SPON2: variants seen among roughly 807,000 people sequenced by gnomAD.
SPON2 encodes the protein spondin-2.
In SPON2, 32 loss-of-function variants were observed where a neutral mutation model predicts 29.9. The ratio of observed to expected loss-of-function variants is 1.07; its 90% CI spans 0.81 to 1.44. The LOEUF (loss-of-function observed/expected upper bound fraction) is 1.44. Ranked by LOEUF, SPON2 falls within the 40% of genes most tolerant of loss-of-function variation. The probability of loss-of-function intolerance (pLI) is 0.00; values close to 1 mark genes in which losing one functional copy is unlikely to be tolerated. For synonymous variants in SPON2, 248 were observed against 209.1 expected, an observed-to-expected ratio of 1.19 and a Z score of -1.61; for missense variants, 541 against 455.5, an observed-to-expected ratio of 1.19 and a Z score of -1.71.
intron 1 of SPON2, among the ~76,000 whole-genome samples, chr4:1,204,744 C>T (rs1356481714): frequency 2.6e-5 from 4 of 152,352 alleles, no homozygotes; most frequent in Admixed American, 6.5e-5. Context: ...GACGGCACCT[C>T]GTGACGCCCA....
rs1560210502 is a variant in SPON2 at position 1,194,899 on chromosome 4, A to AACCCCGCAGCCGGCGG, written c.-239+90_-239+91insCCGCCGGCTGCGGGGT. The AACCCCGCAGCCGGCGG allele has an allele frequency of 1.6e-3, 141 of 89,168 alleles. 3 individuals carry two copies. In the Middle Eastern group the frequency reaches 0.032, roughly 20 times the overall value. The allele number at this position is 89,168 out of a possible 1,614,324, so 5.5% of individuals were successfully genotyped here. On this transcript the variant is annotated intron_variant, in intron 1 of 3. Coordinates refer to the SPON2 transcript ENST00000502483. ...GGCGGCTCCAACGCCACAGCCGGCG[A>AACCCCGCAGCCGGCGG]CTCCAACCCCGCAGCCGGCGGCTCC... is the stretch of plus-strand genomic sequence containing the variant.
intron 1 of SPON2, among the ~76,000 whole-genome samples, chr4:1,204,339 G>T (rs1025737704): frequency 6.6e-6 from 1 of 152,170 alleles, no homozygotes; most frequent in African/African-American, 2.4e-5. Context: ...GTGACCCCAT[G>T]ACCTCAGCCT....
At chr4:1,185,966 C>G (rs992948147) in intron 1 of SPON2, among the ~76,000 whole-genome samples, 1 of 151,780 alleles carries the variant, frequency 6.6e-6, no homozygotes, top group African/African-American at 2.4e-5. Flanking sequence ...AACATCTGGC[C>G]GGGCGTGGTG....
intron 2 of SPON2, among the ~76,000 whole-genome samples, chr4:1,179,031 G>A (rs1243657272): frequency 6.6e-6 from 1 of 152,196 alleles, no homozygotes; most frequent in Non-Finnish European, 1.5e-5. Context: ...CAGAGTCTTG[G>A]ATTCAGCTTT....
chr4:1,181,914 T>C (rs576597726), intron 1 of SPON2, among the ~76,000 whole-genome samples: 1 of 152,262 alleles, frequency 6.6e-6, no homozygotes, highest in East Asian at 1.9e-4. Context: ...ATTTTTCTCC[T>C]TTTCCCTTTT....
chr4:1,175,710 A>G (rs1438116832), upstream of SPON2, among the ~76,000 whole-genome samples: 2 of 130,376 alleles, frequency 1.5e-5, no homozygotes, highest in Non-Finnish European at 3.2e-5. Context: ...AGGCCTGGGG[A>G]TCTCCAGCTA....
At chr4:1,205,949 G>C (rs1467683453) in intron 1 of SPON2, among the ~76,000 whole-genome samples, 2 of 152,192 alleles carry the variant, frequency 1.3e-5, no homozygotes, top group Non-Finnish European at 2.9e-5. Context: ...CCCACCCCTA[G>C]CTCCCCTGGC....
upstream of SPON2, among the ~76,000 whole-genome samples, chr4:1,176,296 G>A (rs952252056): frequency 2.0e-5 from 3 of 152,134 alleles, no homozygotes; most frequent in African/African-American, 7.2e-5. Flanking sequence ...TCACACACCA[G>A]CACTTTGCAA....
chr4:1,208,605 T>G (rs576340355), upstream of SPON2: 2 of 152,450 alleles, frequency 1.3e-5, no homozygotes, highest in African/African-American at 4.8e-5. Flanking sequence ...CGCTTCCTCC[T>G]GCTCCAGGGG....
chr4:1,204,435 T>C (rs143736931), intron 1 of SPON2, among the ~76,000 whole-genome samples: 2 of 152,332 alleles, frequency 1.3e-5, no homozygotes, highest in African/African-American at 4.8e-5. Context: ...ACTGCTGATC[T>C]GAACACAGCC....
chr4:1,168,560 G>A (rs1478116863), intron 5 of SPON2, among the ~76,000 whole-genome samples: 2 of 152,236 alleles, frequency 1.3e-5, no homozygotes, highest in Admixed American at 6.5e-5. Flanking sequence ...GACCTTGGGC[G>A]CTGAGGCTTC....
At chr4:1,197,496 C>G (rs1029117868), upstream of SPON2, among the ~76,000 whole-genome samples, 1 of 152,174 alleles carries the variant, frequency 6.6e-6, no homozygotes, top group Non-Finnish European at 1.5e-5. Context: ...CCATAAATAT[C>G]GAGGACTCAG....
At chr4:1,172,685 C>T (rs988412991), upstream of SPON2, 5 of 152,624 alleles carry the variant, frequency 3.3e-5, no homozygotes, top group African/African-American at 9.7e-5. Flanking sequence ...ACGGCCTGGC[C>T]TCCAGCGAGA....
At chr4:1,207,278 T>C (rs965780214) in intron 1 of SPON2, among the ~76,000 whole-genome samples, 10 of 152,020 alleles carry the variant, frequency 6.6e-5, no homozygotes, top group Admixed American at 2.0e-4. Context: ...GGGATGTGGG[T>C]GAGTCCGGCT....
intron 4 of SPON2, 28 bp from the exon 5 acceptor site, chr4:1,170,604 T>TG (rs747716466): frequency 6.3e-7 from 1 of 1,592,082 alleles, no homozygotes; most frequent in Admixed American, 1.8e-5. Flanking sequence ...GAGGTTGGCC[T>TG]GGGGTCCGAG....
rs753307703 is a variant in SPON2 at position 1,172,064 on chromosome 4, T to C, written c.8A>G (p.Asn3Ser). The C allele has an allele frequency of 8.1e-6, 13 of 1,606,514 alleles. No individual in the cohort carries two copies. Among genetic ancestry groups the C allele is most frequent in the Middle Eastern group, 3.8e-4 (2 of 5,292 alleles). Residue 3 changes from asparagine (N) to serine (S), a missense_variant, in exon 2 of 6, where the codon AAC becomes AGC. Coordinates refer to ENST00000290902, the MANE Select transcript of SPON2 (RefSeq NM_012445.4). ME[N>S]PSPAAALGKA... ...GCCCAGGGCGGCGGCCGGGCTGGGG[T>C]TTTCCATCACCTGGGAGCACAGAGG...
chr4:1,172,420 C>A (rs556402791), intron 1 of SPON2, 124 bp downstream of exon 1: 2 of 411,262 alleles, frequency 4.9e-6, no homozygotes, highest in East Asian at 1.1e-4. Flanking sequence ...GGGACTAGAC[C>A]CTTAAAGCTC....
intron 1 of SPON2, among the ~76,000 whole-genome samples, chr4:1,201,977 T>A (rs1728221065): frequency 1.3e-5 from 2 of 152,172 alleles, no homozygotes; most frequent in African/African-American, 4.8e-5. Flanking sequence ...CACAAGTCAC[T>A]CTTTACAGTG....
upstream of SPON2, chr4:1,172,900 TCC>T (rs1560203146): frequency 7.7e-5 from 1 of 12,932 alleles, no homozygotes; most frequent in African/African-American, 3.5e-4. Context: ...CCTCCCCTCC[TCC>T]CCTCCCCTCC....
Sources: gnomAD v4.1 joint callset for allele counts (sites outside exome capture counted in the v4.1 genomes callset) on GRCh38, gnomAD v4.1.1 for gene constraint, MANE v1.5 for transcripts, NCBI Gene and HGNC (gene_info 2026-07-23, HGNC 2026-07-21) for gene names.